ABCB1: variants seen among roughly 807,000 people sequenced by gnomAD.
The protein encoded by ABCB1 is ATP-dependent translocase ABCB1.
Under a neutral mutation model 142.0 loss-of-function variants are expected in ABCB1, and 69 were observed. The ratio of observed to expected loss-of-function variants is 0.49; its 90% CI spans 0.40 to 0.59. ABCB1 has a LOEUF of 0.59. Ranked by LOEUF, ABCB1 falls within the 20% of genes least tolerant of loss-of-function variation. The pLI, the probability that ABCB1 is intolerant of heterozygous loss-of-function variation, is 0.00. For synonymous variants in ABCB1, 532 were observed against 539.2 expected, an observed-to-expected ratio of 0.99 and a Z score of 0.18; for missense variants, 1,326 against 1,554.7, an observed-to-expected ratio of 0.85 and a Z score of 2.47.
At chr7:87,525,742 G>A (rs1362428685) in intron 21 of ABCB1, among the ~76,000 whole-genome samples, 1 of 152,064 alleles carries the variant, frequency 6.6e-6, no homozygotes, top group African/African-American at 2.4e-5. Context: ...GCTGTCTCAG[G>A]GGTGGCAGAG....
At chr7:87,511,393 T>C (rs892992160) in intron 25 of ABCB1, among the ~76,000 whole-genome samples, 5 of 152,346 alleles carry the variant, frequency 3.3e-5, no homozygotes, top group East Asian at 1.9e-4. Context: ...ATTAAAATGA[T>C]TGGCTATCTC....
intron 1 of ABCB1, among the ~76,000 whole-genome samples, chr7:87,665,523 T>C (rs746159487): frequency 3.9e-5 from 6 of 152,126 alleles, no homozygotes; most frequent in South Asian, 2.1e-4. Flanking sequence ...AAGTGACCTA[T>C]AGATTCAATG....
At chr7:87,555,736 A>T (rs1376514285) in intron 8 of ABCB1, among the ~76,000 whole-genome samples, 1 of 152,206 alleles carries the variant, frequency 6.6e-6, no homozygotes, top group Non-Finnish European at 1.5e-5. Flanking sequence ...ATGCACACAC[A>T]CACAACACAC....
At chr7:87,702,103 A>G (rs549919527) in intron 1 of ABCB1, among the ~76,000 whole-genome samples, 1 of 130,092 alleles carries the variant, frequency 7.7e-6, no homozygotes, top group Non-Finnish European at 1.6e-5. Context: ...AGATCGCGCC[A>G]CTGCACTCCA....
intron 26 of ABCB1, among the ~76,000 whole-genome samples, chr7:87,507,703 G>A (rs28401812): frequency 9.2e-5 from 14 of 152,112 alleles, no homozygotes; most frequent in South Asian, 4.1e-4. Flanking sequence ...TGTCTTCCCC[G>A]CCGGGTTGAG....
chr7:87,529,296 T>C (rs2117122359), intron 21 of ABCB1, among the ~76,000 whole-genome samples: 1 of 152,306 alleles, frequency 6.6e-6, no homozygotes, highest in Non-Finnish European at 1.5e-5. Context: ...AGATCAAGTA[T>C]TTAGAGCTGT....
At chr7:87,700,406 A>G (rs1365938540) in intron 1 of ABCB1, 2 of 1,571,500 alleles carry the variant, frequency 1.3e-6, no homozygotes, top group East Asian at 2.3e-5. Flanking sequence ...TTATATCGCA[A>G]TTTGTCTCCT....
At chr7:87,647,395 G>A (rs1002555082) in intron 1 of ABCB1, among the ~76,000 whole-genome samples, 1 of 152,052 alleles carries the variant, frequency 6.6e-6, no homozygotes, top group African/African-American at 2.4e-5. Flanking sequence ...CATAATGTGT[G>A]CTATTATAAT....
Position 87,585,508 on chromosome 7 carries a change from T to C in ABCB1, c.286+4A>G. ...AATAAAATTGGTACACAAACAATAC[T>C]TACTTCTATTAGTGATGTTTGACAT... On this transcript the variant is annotated splice_donor_region_variant and intron_variant, in intron 4 of 27. Coordinates refer to ENST00000622132, the MANE Select transcript of ABCB1 (RefSeq NM_001348946.2). The C allele has an allele frequency of 6.2e-7, 1 of 1,613,310 alleles. No individual in the cohort carries two copies. Among genetic ancestry groups the C allele is most frequent in the Non-Finnish European group, 8.5e-7 (1 of 1,179,710 alleles).
chr7:87,626,474 T>TATATATGTGTCATATATGTGTC lies in ABCB1; in HGVS notation c.-330-25397_-330-25396insGACACATATATGACACATATAT, dbSNP rs1563080950. Reference sequence around the variant, plus strand: ...ATATATATGTGTCATATATGTGTCATATATATGTGTCATATATATGTGTCA... The same window carrying TATATATGTGTCATATATGTGTC: ...ATATATATGTGTCATATATGTGTCATATATATGTGTCATATATGTGTCATATATGTGTCATATATATGTGTCA... On this transcript the variant is annotated intron_variant, in intron 1 of 28. Coordinates refer to the ABCB1 transcript ENST00000265724. Among the ~76,000 whole-genome samples the TATATATGTGTCATATATGTGTC allele has an allele frequency of 1.6e-4, 2 of 12,570 alleles. 1 individual carries two copies. Among genetic ancestry groups the TATATATGTGTCATATATGTGTC allele is most frequent in the Non-Finnish European group, 2.2e-4 (2 of 9,248 alleles). 8.2% of individuals were successfully genotyped at this position (12,570 alleles called of 152,430 possible).
chr7:87,629,069 G>A lies in ABCB1; in HGVS notation c.-330-27991C>T, dbSNP rs1377366812. 5.4e-5 allele frequency: 52 copies of A among 967,612 alleles called. No individual in the cohort carries two copies. The East Asian group carries it at 1.6e-3, about 30-fold the overall frequency. 59.9% of individuals were successfully genotyped at this position (967,612 alleles called of 1,614,324 possible). A position where few individuals can be genotyped will look rare whatever the true frequency, so the allele number is the denominator to read the frequency against. Reference sequence around the variant, plus strand: ...CGCCCAGTGCCCCCGCCTATGTTGCGCCAGCCAAATCTGTGAGCGCGCAGC... The same window carrying A: ...CGCCCAGTGCCCCCGCCTATGTTGCACCAGCCAAATCTGTGAGCGCGCAGC... On this transcript the variant is annotated intron_variant, in intron 1 of 28. Transcript: ENST00000265724.
rs186020852 is a variant in ABCB1 at position 87,524,379 on chromosome 7, T to C, written c.2686-3503A>G. On this transcript the variant is annotated intron_variant, in intron 21 of 27. Transcript: ENST00000622132. ...TAGTCACTTTAGAAAATCGTAAAAG[T>C]GCAGAAAGCAAAAGGTGAGGAGAAA... is the stretch of plus-strand genomic sequence containing the variant. Among the ~76,000 whole-genome samples the C allele has an allele frequency of 2.5e-3, 379 of 152,266 alleles. 1 individual carries two copies. The highest frequency in any genetic ancestry group is 8.7e-3 in the African/African-American group (360 of 41,552).
At chr7:87,585,767 C>T in intron 3 of ABCB1, 87 bp from the exon 4 acceptor site, 1 of 1,454,244 alleles carries the variant, frequency 6.9e-7, no homozygotes, top group East Asian at 2.4e-5. Flanking sequence ...TATCCAAAAT[C>T]CAAACATTTT....
At chr7:87,683,981 G>A (rs1362188483) in intron 1 of ABCB1, among the ~76,000 whole-genome samples, 1 of 152,134 alleles carries the variant, frequency 6.6e-6, no homozygotes, top group African/African-American at 2.4e-5. Flanking sequence ...ATGCAAGAAT[G>A]CTTCAGTACT....
In ABCB1 at chr7:87,522,090, C is replaced by T. The variant is rs545696183; in HGVS notation, c.2686-1214G>A. On this transcript the variant is annotated intron_variant, in intron 21 of 27. Transcript: ENST00000622132. The stretch of plus-strand genomic sequence containing the variant: ...TTGGTGGTGGTCGTGGAGGTAGTTT[C>T]GGTGGGAATGACAACTTTGGTCGTG... 823 of 1,227,912 alleles carry T rather than the reference C, an allele frequency of 6.7e-4. 15 individuals carry two copies. The South Asian group carries it at 9.4e-3, about 14-fold the overall frequency. 76.1% of individuals were successfully genotyped at this position (1,227,912 alleles called of 1,614,324 possible).
At chr7:87,590,374 A>G (rs1818950571) in intron 3 of ABCB1, among the ~76,000 whole-genome samples, 1 of 152,244 alleles carries the variant, frequency 6.6e-6, no homozygotes, top group African/African-American at 2.4e-5. Flanking sequence ...CACGGAGCCT[A>G]CCTTCAGAGA....
At chr7:87,700,808 A>C (rs1039502120) in intron 1 of ABCB1, among the ~76,000 whole-genome samples, 1 of 152,198 alleles carries the variant, frequency 6.6e-6, no homozygotes, top group Admixed American at 6.5e-5. Flanking sequence ...ATTTTTATAT[A>C]ATATCAACCT....
At chr7:87,640,951 G>A (rs73705288) in intron 1 of ABCB1, among the ~76,000 whole-genome samples, 6,480 of 151,972 alleles carry the variant, frequency 0.043, 460 homozygotes, top group African/African-American at 0.15. Context: ...CTCATCTCTT[G>A]AATGTATTAC....
chr7:87,611,845 A>T (rs1210485510), intron 1 of ABCB1, among the ~76,000 whole-genome samples: 1 of 152,264 alleles, frequency 6.6e-6, no homozygotes, highest in African/African-American at 2.4e-5. Flanking sequence ...CATGCTGCAG[A>T]TGGCTTCTGC....
Sources: gnomAD v4.1 joint callset for allele counts (sites outside exome capture counted in the v4.1 genomes callset) on GRCh38, gnomAD v4.1.1 for gene constraint, MANE v1.5 for transcripts, NCBI Gene and HGNC (gene_info 2026-07-23, HGNC 2026-07-21) for gene names.